The following RIF1 variants were observed in gnomAD, a reference collection of about 807,000 sequenced individuals.
The protein encoded by RIF1 is replication timing regulatory factor 1, also known as telomere-associated protein RIF1.
A neutral mutation model predicts 247.1 loss-of-function variants in RIF1; 45 were observed. The observed-to-expected ratio is 0.18, with a 90% CI of 0.14 to 0.23. The LOEUF is 0.23. Among genes scored for constraint, RIF1 ranks in the 10% least tolerant of loss-of-function variants. The probability of loss-of-function intolerance (pLI) is 1.00; values close to 1 mark genes in which losing one functional copy is unlikely to be tolerated. For missense variants in RIF1, 2,967 were observed against 2,862.5 expected (o/e 1.04, Z -0.83); for synonymous variants, 1,087 against 978.8 (o/e 1.11, Z -2.06).
chr2:151,429,436 C>T (rs889625062), intron 9 of RIF1, among the ~76,000 whole-genome samples: 8 of 152,216 alleles, frequency 5.3e-5, no homozygotes, highest in African/African-American at 1.9e-4. Context: ...CCTCCTTGGC[C>T]TCCCAAATGC....
rs866920716 is a variant in RIF1, at chr2:151,468,300, A to G, written c.6747+154A>G. 3.5e-4 allele frequency among the ~76,000 whole-genome samples: 54 copies of G among 152,234 alleles called. 1 individual carries two copies. Among genetic ancestry groups the G allele is most frequent in the African/African-American group, 1.0e-3 (43 of 41,464 alleles). ...GTACACGGTAAGCAGAAAGGAAGAGAAGCAGAAAGGTAAGAGGCAGTAATG... is the reference window on the plus strand; with the variant it reads ...GTACACGGTAAGCAGAAAGGAAGAGGAGCAGAAAGGTAAGAGGCAGTAATG... On this transcript the variant is annotated intron_variant, in intron 31 of 35. Transcript: ENST00000444746.
chr2:151,507,736 C>T (rs1281308950), exon 14 of RIF1: 4 of 370,070 alleles, frequency 1.1e-5, no homozygotes, highest in South Asian at 7.0e-5. Context: ...CAGGGGTTTT[C>T]GCCATGAACC....
Position 151,464,735 on chromosome 2 carries a change from T to C in RIF1, c.5215T>C (p.Ser1739Pro). 2.5e-6 allele frequency: 4 copies of C among 1,613,284 alleles called. No individual in the cohort carries two copies. Among genetic ancestry groups the C allele is most frequent in the Non-Finnish European group, 3.4e-6 (4 of 1,179,748 alleles). ...SKGCDCCGEK[S>P]QPQEKSLIGL... ...AGGTTGTGATTGCTGTGGGGAAAAA[T>C]CACAACCTCAGGAAAAGTCACTCAT... is the stretch of plus-strand genomic sequence containing the variant. Residue 1739 changes from serine (S) to proline (P), a missense_variant, in exon 30 of 36, where the codon TCA (serine) becomes CCA (proline). Ser to Pro is a moderately conservative substitution (Grantham distance 74, BLOSUM62 -1). This residue lies in a region of RIF1 where 2,028 missense variants were observed against 1,825.6 expected (regional missense o/e 1.11). Transcript: ENST00000444746.
In RIF1 at chr2:151,479,501, T is replaced by A. The variant is rs185254195; in HGVS notation, c.*4430T>A. 2.0e-4 allele frequency: 31 copies of A among 152,322 alleles called. No individual in the cohort carries two copies. The highest frequency in any genetic ancestry group is 3.7e-4 in the Non-Finnish European group (25 of 68,020). The allele number at this position is 152,322 out of a possible 1,614,324, so 9.4% of individuals were successfully genotyped here. ...TTCTATTATGGATCATCGTTATTAA[T>A]AAACATGGAAAATCAACACTACCCC... On this transcript the variant is annotated 3_prime_UTR_variant, in exon 36 of 36. Transcript: ENST00000444746.
chr2:151,422,350 G>T (rs1330676520), intron 7 of RIF1, among the ~76,000 whole-genome samples: 1 of 152,020 alleles, frequency 6.6e-6, no homozygotes, highest in Non-Finnish European at 1.5e-5. Context: ...AAAAAAGTTG[G>T]ATTGATGGAT....
chr2:151,427,365 C>T (rs965320109), intron 8 of RIF1, among the ~76,000 whole-genome samples: 1 of 151,870 alleles, frequency 6.6e-6, no homozygotes, highest in Admixed American at 6.6e-5. Context: ...CATGTGCCAC[C>T]ACGCCTGGCT....
chr2:151,490,283 A>C, intron 9 of RIF1: 1 of 1,475,666 alleles, frequency 6.8e-7, no homozygotes, highest in South Asian at 1.3e-5. Context: ...AAATTTTTAA[A>C]TTTGTTTTTG....
chr2:151,485,794 C>G (rs1323925316), downstream of RIF1: 2 of 1,612,834 alleles, frequency 1.2e-6, no homozygotes, highest in Non-Finnish European at 1.7e-6. Context: ...TGGGAGCATT[C>G]CGGTCCTGCC....
chr2:151,519,227 G>A, the RIF1 span, among the ~76,000 whole-genome samples: 1 of 152,174 alleles, frequency 6.6e-6, no homozygotes, highest in Non-Finnish European at 1.5e-5. Context: ...AACAACCCAA[G>A]TGTCTGTCAG....
At chr2:151,410,199 C>T in intron 1 of RIF1, 166 bp downstream of exon 1, 1 of 637,738 alleles carries the variant, frequency 1.6e-6, no homozygotes, top group Non-Finnish European at 2.8e-6. Flanking sequence ...GGGAGCGGGC[C>T]CAGGCCCGAA....
chr2:151,529,251 G>A, the RIF1 span: 11 of 1,613,582 alleles, frequency 6.8e-6, no homozygotes, highest in South Asian at 1.1e-4. Context: ...GCTTTGATAT[G>A]AACAGCATCT....
chr2:151,527,416 A>G, the RIF1 span: 4 of 1,170,282 alleles, frequency 3.4e-6, no homozygotes, highest in African/African-American at 6.1e-5. Context: ...TATTATAAAT[A>G]ATTATTCATT....
intron 5 of RIF1, 36 bp from the exon 6 acceptor site, chr2:151,416,771 C>A: frequency 3.7e-6 from 6 of 1,601,240 alleles, no homozygotes; most frequent in Non-Finnish European, 5.1e-6. Context: ...ACAGTTCAGG[C>A]TTATTTCATT....
At chr2:151,474,493 A>T (rs1428641537) in intron 35 of RIF1, among the ~76,000 whole-genome samples, 1 of 152,218 alleles carries the variant, frequency 6.6e-6, no homozygotes, top group African/African-American at 2.4e-5. Flanking sequence ...ACTCTGGGCA[A>T]CATGAAACCC....
At chr2:151,506,829 A>C (rs2069409919) in intron 13 of RIF1, 1 of 907,036 alleles carries the variant, frequency 1.1e-6, no homozygotes, top group African/African-American at 1.7e-5. Context: ...TGTGTGTATC[A>C]ATATAAGGCT....
the RIF1 span, chr2:151,531,852 G>C: frequency 1.9e-6 from 3 of 1,612,440 alleles, no homozygotes; most frequent in East Asian, 2.2e-5. Flanking sequence ...CCACAATTGA[G>C]GTAAATTTGT....
chr2:151,506,431 C>A (rs2068909835), intron 13 of RIF1: 4 of 588,470 alleles, frequency 6.8e-6, no homozygotes, highest in Non-Finnish European at 1.2e-5. Flanking sequence ...TGACTCAGAC[C>A]AGTTATACAA....
intron 6 of RIF1, among the ~76,000 whole-genome samples, chr2:151,417,357 TTTTG>T (rs1687383888): frequency 6.6e-6 from 1 of 152,218 alleles, no homozygotes; most frequent in African/African-American, 2.4e-5. Flanking sequence ...CTTCCCTGTT[TTTTG>T]TTCTTTAAAA....
At chr2:151,514,541 A>G in the RIF1 span, 4 of 856,568 alleles carry the variant, frequency 4.7e-6, no homozygotes, top group Non-Finnish European at 7.8e-6. Context: ...CAGTTTAGTA[A>G]GTAAAAATAT....
Sources: gnomAD v4.1 joint callset for allele counts (sites outside exome capture counted in the v4.1 genomes callset) on GRCh38, gnomAD v4.1.1 for gene constraint, gnomAD v4.1.1 regional missense constraint, MANE v1.5 for transcripts, NCBI Gene and HGNC (gene_info 2026-07-23, HGNC 2026-07-21) for gene names.